The following GPATCH2 variants were observed in gnomAD, a reference collection of about 807,000 sequenced individuals.
GPATCH2 encodes the protein G patch domain-containing protein 2.
A neutral mutation model predicts 58.0 loss-of-function variants in GPATCH2; 51 were observed. The ratio of observed to expected loss-of-function variants is 0.88; its 90% CI spans 0.70 to 1.11. The LOEUF (loss-of-function observed/expected upper bound fraction) is 1.11, where lower values mean the gene tolerates loss of function less well. GPATCH2 is among the 50% of genes most tolerant of loss of function. The probability of loss-of-function intolerance (pLI) is 0.00; values close to 1 mark genes in which losing one functional copy is unlikely to be tolerated. For synonymous variants in GPATCH2, 222 were observed against 218.5 expected (o/e 1.02, Z -0.14); for missense variants, 625 against 652.2 (o/e 0.96, Z 0.45).
chr1:217,602,285 T>C (rs1202864538), intron 5 of GPATCH2, among the ~76,000 whole-genome samples: 1 of 152,164 alleles, frequency 6.6e-6, no homozygotes, highest in Non-Finnish European at 1.5e-5. Flanking sequence ...AAGCATATCT[T>C]ATATCTCAGT....
At chr1:217,514,796 GT>G in intron 6 of GPATCH2, 25 bp downstream of exon 6, 1 of 1,074,372 alleles carries the variant, frequency 9.3e-7, no homozygotes, top group South Asian at 1.3e-5. Context: ...CTCCAATAAG[GT>G]TATATAAACA....
At chr1:217,467,184 A>T (rs912228574) in intron 8 of GPATCH2, among the ~76,000 whole-genome samples, 1 of 152,224 alleles carries the variant, frequency 6.6e-6, no homozygotes, top group Non-Finnish European at 1.5e-5. Flanking sequence ...CTCAAAAGCA[A>T]AACAAAACCC....
intron 2 of GPATCH2, among the ~76,000 whole-genome samples, chr1:217,617,304 T>C (rs1404832096): frequency 6.6e-6 from 1 of 152,230 alleles, no homozygotes; most frequent in Non-Finnish European, 1.5e-5. Context: ...CCCTCTCTTC[T>C]CTTGACTTCC....
At chr1:217,527,521 C>G (rs888442652) in intron 5 of GPATCH2, among the ~76,000 whole-genome samples, 10 of 147,860 alleles carry the variant, frequency 6.8e-5, no homozygotes, top group African/African-American at 2.5e-4. Flanking sequence ...CCAAAAGAAT[C>G]AAAGGTTTCC....
At chr1:217,450,995 G>C (rs1029824608) in intron 8 of GPATCH2, among the ~76,000 whole-genome samples, 8 of 152,048 alleles carry the variant, frequency 5.3e-5, no homozygotes, top group African/African-American at 1.9e-4. Flanking sequence ...AAATGGGGAG[G>C]GGGAAAAGAG....
At chr1:217,610,005 C>A (rs1668547892) in intron 5 of GPATCH2, 3 of 1,406,380 alleles carry the variant, frequency 2.1e-6, no homozygotes, top group Non-Finnish European at 2.8e-6. Flanking sequence ...AGGAAGAATA[C>A]CAGTCCTCCA....
At chr1:217,601,439 A>G (rs77030019) in intron 5 of GPATCH2, among the ~76,000 whole-genome samples, 3 of 151,930 alleles carry the variant, frequency 2.0e-5, no homozygotes, top group African/African-American at 7.3e-5. Context: ...AAAAAAAAAA[A>G]TTCAGAAGCA....
intron 8 of GPATCH2, among the ~76,000 whole-genome samples, chr1:217,480,635 G>C (rs1469343292): frequency 6.6e-6 from 1 of 152,170 alleles, no homozygotes; most frequent in Non-Finnish European, 1.5e-5. Flanking sequence ...CAATCCCACT[G>C]CTGGGTATGT....
intron 5 of GPATCH2, among the ~76,000 whole-genome samples, chr1:217,527,819 C>A (rs1245388134): frequency 6.6e-6 from 1 of 152,310 alleles, no homozygotes. Flanking sequence ...ATGTCCAGCA[C>A]TCAGGTGCTA....
At chr1:217,534,854 G>A (rs1268125156) in intron 5 of GPATCH2, among the ~76,000 whole-genome samples, 1 of 152,152 alleles carries the variant, frequency 6.6e-6, no homozygotes, top group African/African-American at 2.4e-5. Context: ...GCTCAACTTG[G>A]CACTAAATAA....
At chr1:217,441,764 G>A (rs1000144602) in intron 9 of GPATCH2, among the ~76,000 whole-genome samples, 2 of 152,180 alleles carry the variant, frequency 1.3e-5, no homozygotes, top group Non-Finnish European at 2.9e-5. Flanking sequence ...CTGGTCATTA[G>A]AGAAATGCAA....
intron 2 of GPATCH2, among the ~76,000 whole-genome samples, chr1:217,615,783 G>C (rs951192317): frequency 6.6e-6 from 1 of 152,034 alleles, no homozygotes; most frequent in Admixed American, 6.6e-5. Context: ...ATTAAGTACA[G>C]GTCAAATTAA....
intron 9 of GPATCH2, among the ~76,000 whole-genome samples, chr1:217,433,252 G>T (rs1027128467): frequency 1.3e-5 from 2 of 151,514 alleles, no homozygotes; most frequent in Admixed American, 1.3e-4. Context: ...ACATCAATAA[G>T]AATAACAAAA....
chr1:217,611,103 A>C, intron 3 of GPATCH2, 32 bp from the exon 4 acceptor site: 1 of 1,571,952 alleles, frequency 6.4e-7, no homozygotes, highest in Non-Finnish European at 8.7e-7. Flanking sequence ...CCCCCCACCA[A>C]AGACTCAGTT....
intron 8 of GPATCH2, among the ~76,000 whole-genome samples, chr1:217,488,569 A>G (rs539538432): frequency 2.0e-5 from 3 of 152,194 alleles, no homozygotes; most frequent in Non-Finnish European, 4.4e-5. Context: ...CCCTGTCATT[A>G]TATTTCAGGT....
intron 8 of GPATCH2, among the ~76,000 whole-genome samples, chr1:217,470,648 G>T (rs985739184): frequency 6.6e-6 from 1 of 152,134 alleles, no homozygotes; most frequent in African/African-American, 2.4e-5. Context: ...GGAAGCATGA[G>T]AACTGGCAAT....
intron 5 of GPATCH2, among the ~76,000 whole-genome samples, chr1:217,573,541 C>A (rs1666665071): frequency 6.6e-6 from 1 of 152,094 alleles, no homozygotes; most frequent in Non-Finnish European, 1.5e-5. Flanking sequence ...CACAAACACA[C>A]ATAAAATGTG....
Position 217,630,859 on chromosome 1 carries a change from G to T in GPATCH2, c.56+57C>A. The T allele has an allele frequency of 3.1e-6, 4 of 1,300,518 alleles. 1 individual carries two copies. In the South Asian group the frequency reaches 5.0e-5, roughly 16 times the overall value. 80.6% of individuals were successfully genotyped at this position (1,300,518 alleles called of 1,614,324 possible). ...CCTCCATTCCAGGTCCAGCGGAGCG[G>T]CCTCGGGCAATCACACCCTTCCCTG... is the stretch of plus-strand genomic sequence containing the variant. On this transcript the variant is annotated intron_variant, in intron 1 of 9. Transcript: ENST00000366935.
At chr1:217,501,218 G>T (rs577404005) in intron 6 of GPATCH2, among the ~76,000 whole-genome samples, 4 of 152,106 alleles carry the variant, frequency 2.6e-5, no homozygotes, top group African/African-American at 9.6e-5. Flanking sequence ...TTTTAGATTG[G>T]CTTTTAAACT....
Sources: allele counts gnomAD v4.1 joint callset (sites outside exome capture counted in the v4.1 genomes callset), GRCh38; gene constraint gnomAD v4.1.1; transcripts MANE v1.5; gene names NCBI Gene and HGNC (gene_info 2026-07-23, HGNC 2026-07-21).